The following GPC5 variants were observed in gnomAD, a reference collection of about 807,000 sequenced individuals.
The protein encoded by GPC5 is glypican 5.
In GPC5, 47 loss-of-function variants were observed where a neutral mutation model predicts 53.9. That is an observed-to-expected ratio of 0.87 (90% CI 0.69 to 1.11). GPC5 has a LOEUF of 1.11. Among genes scored for constraint, GPC5 ranks in the 50% most tolerant of loss-of-function variants. GPC5 has a pLI of 0.00. For missense variants in GPC5, 748 were observed against 713.1 expected, an observed-to-expected ratio of 1.05 and a Z score of -0.56; for synonymous variants, 286 against 263.3, an observed-to-expected ratio of 1.09 and a Z score of -0.84.
chr13:92,755,485 A>C (rs1041829015), intron 7 of GPC5, among the ~76,000 whole-genome samples: 1 of 152,016 alleles, frequency 6.6e-6, no homozygotes, highest in African/African-American at 2.4e-5. Flanking sequence ...AAATCAGAGC[A>C]GAACTGAAGG....
At chr13:92,786,196 T>C (rs1285673727) in intron 7 of GPC5, among the ~76,000 whole-genome samples, 2 of 152,118 alleles carry the variant, frequency 1.3e-5, no homozygotes, top group African/African-American at 4.8e-5. Flanking sequence ...TGTAATCCAG[T>C]AGTAGAAATA....
intron 7 of GPC5, among the ~76,000 whole-genome samples, chr13:92,712,689 C>T (rs948649859): frequency 2.0e-5 from 3 of 152,124 alleles, no homozygotes; most frequent in African/African-American, 4.8e-5. Context: ...AGACTAAATT[C>T]GTTGTGCCTC....
intron 7 of GPC5, among the ~76,000 whole-genome samples, chr13:92,684,932 A>G (rs188645447): frequency 1.3e-3 from 195 of 152,314 alleles, no homozygotes; most frequent in African/African-American, 4.5e-3. Flanking sequence ...TTTGGCCATT[A>G]TAATAGGTAT....
At chr13:91,591,090 C>G (rs143151160) in intron 2 of GPC5, among the ~76,000 whole-genome samples, 37 of 152,264 alleles carry the variant, frequency 2.4e-4, no homozygotes, top group African/African-American at 7.9e-4. Flanking sequence ...ATTTGTAAAG[C>G]TCCTAAGACA....
intron 7 of GPC5, among the ~76,000 whole-genome samples, chr13:92,786,747 C>G (rs886533434): frequency 6.6e-6 from 1 of 152,096 alleles, no homozygotes; most frequent in Non-Finnish European, 1.5e-5. Context: ...AGAAATGAAA[C>G]AAAATCCCAG....
At chr13:92,180,306 T>C (rs2139034492) in intron 7 of GPC5, among the ~76,000 whole-genome samples, 1 of 152,320 alleles carries the variant, frequency 6.6e-6, no homozygotes, top group South Asian at 2.1e-4. Flanking sequence ...AATTCCATAA[T>C]CTTTAAAGCT....
chr13:92,540,870 C>T (rs987087458), intron 7 of GPC5, among the ~76,000 whole-genome samples: 1 of 151,776 alleles, frequency 6.6e-6, no homozygotes, highest in Non-Finnish European at 1.5e-5. Context: ...ATAATGAGAA[C>T]ACTAATGTCC....
At chr13:91,604,026 T>C (rs1025407481) in intron 2 of GPC5, among the ~76,000 whole-genome samples, 2 of 150,456 alleles carry the variant, frequency 1.3e-5, no homozygotes, top group African/African-American at 4.9e-5. Flanking sequence ...TATGTATACA[T>C]GTGCCATGCT....
chr13:92,528,930 A>T (rs1490289405), intron 7 of GPC5, among the ~76,000 whole-genome samples: 1 of 152,080 alleles, frequency 6.6e-6, no homozygotes, highest in African/African-American at 2.4e-5. Context: ...TTGCAGGATA[A>T]GAACTGTGAA....
chr13:91,774,577 T>A (rs981996204), intron 5 of GPC5, among the ~76,000 whole-genome samples: 1 of 152,052 alleles, frequency 6.6e-6, no homozygotes, highest in Non-Finnish European at 1.5e-5. Flanking sequence ...GATATTCCCA[T>A]CTCCACTCTC....
intron 7 of GPC5, among the ~76,000 whole-genome samples, chr13:92,353,278 A>AAAAAAAAAC (rs2043495602): frequency 6.6e-6 from 1 of 150,484 alleles, no homozygotes; most frequent in Non-Finnish European, 1.5e-5. Context: ...AAAAAAAAAA[A>AAAAAAAAAC]AAAAAAGAAA....
chr13:92,478,583 A>G (rs984054363), intron 7 of GPC5, among the ~76,000 whole-genome samples: 3 of 152,196 alleles, frequency 2.0e-5, no homozygotes, highest in African/African-American at 7.2e-5. Flanking sequence ...ATAAACTGGA[A>G]TATAATCAGA....
rs1307206532 is a variant in GPC5, at chr13:91,427,908, G to C, written c.164-20853G>C. ...AGATCTGATGTTTTTTTAAATGGTA[G>C]TTTTTCCTGAGCTGACACACAGAGT... On this transcript the variant is annotated intron_variant, in intron 1 of 7. Coordinates refer to ENST00000377067, the MANE Select transcript of GPC5 (RefSeq NM_004466.6). Among the ~76,000 whole-genome samples, 3 of 152,090 alleles carry C rather than the reference G, an allele frequency of 2.0e-5. No individual in the cohort carries two copies. The East Asian group carries it at 5.8e-4, about 29-fold the overall frequency.
chr13:92,598,407 A>T (rs4371028), intron 7 of GPC5, among the ~76,000 whole-genome samples: 2 of 152,052 alleles, frequency 1.3e-5, no homozygotes, highest in South Asian at 2.1e-4. Flanking sequence ...TTTACGTTGT[A>T]TCTGACTCTG....
chr13:91,869,043 G>A (rs974100918), intron 5 of GPC5, among the ~76,000 whole-genome samples: 22 of 152,084 alleles, frequency 1.4e-4, no homozygotes, highest in Admixed American at 4.6e-4. Context: ...GTTTTGTTTC[G>A]TTTGTTTTGT....
At chr13:92,326,474 T>C (rs1464408634) in intron 7 of GPC5, among the ~76,000 whole-genome samples, 2 of 152,152 alleles carry the variant, frequency 1.3e-5, no homozygotes, top group Non-Finnish European at 2.9e-5. Flanking sequence ...GTTTATTGAT[T>C]GTTTTAAAAA....
chr13:92,249,564 C>G (rs2042677273), intron 7 of GPC5, among the ~76,000 whole-genome samples: 1 of 151,964 alleles, frequency 6.6e-6, no homozygotes, highest in Middle Eastern at 3.2e-3. Flanking sequence ...TTCCTACTGT[C>G]ACTTTTCTTT....
At chr13:91,817,228 G>C (rs1340327904) in intron 5 of GPC5, among the ~76,000 whole-genome samples, 1 of 152,048 alleles carries the variant, frequency 6.6e-6, no homozygotes, top group East Asian at 1.9e-4. Context: ...AATTCTTTTG[G>C]ATTATAAATG....
intron 7 of GPC5, among the ~76,000 whole-genome samples, chr13:92,633,698 T>G (rs770504809): frequency 2.0e-5 from 3 of 152,088 alleles, no homozygotes; most frequent in Non-Finnish European, 2.9e-5. Context: ...GTAATGATGT[T>G]GCTTTTTTCT....
Sources: allele counts gnomAD v4.1 joint callset (sites outside exome capture counted in the v4.1 genomes callset), GRCh38; gene constraint gnomAD v4.1.1; transcripts MANE v1.5; gene names NCBI Gene and HGNC (gene_info 2026-07-23, HGNC 2026-07-21).